ALAD: variants seen among roughly 807,000 people sequenced by gnomAD.
ALAD encodes the protein delta-aminolevulinic acid dehydratase.
ALAD carries 20 observed loss-of-function variants against 44.4 expected under a neutral mutation model. The observed-to-expected ratio is 0.45, with a 90% CI of 0.32 to 0.65. The LOEUF is 0.65. ALAD is among the 30% of genes least tolerant of loss of function. The pLI, the probability that ALAD is intolerant of heterozygous loss-of-function variation, is 0.05. For synonymous variants in ALAD, 156 were observed against 167.9 expected, an observed-to-expected ratio of 0.93 and a Z score of 0.55; for missense variants, 323 against 445.7, an observed-to-expected ratio of 0.72 and a Z score of 2.48.
intron 7 of ALAD, 85 bp from the exon 8 acceptor site, chr9:113,389,913 G>A (rs2118986027): frequency 6.5e-7 from 1 of 1,529,892 alleles, no homozygotes; most frequent in Admixed American, 1.7e-5. Context: ...AAGAACCTAG[G>A]CTGGGAAGGA....
intron 1 of ALAD, chr9:113,397,982 C>A (rs981191773): frequency 6.6e-6 from 1 of 152,148 alleles, no homozygotes; most frequent in African/African-American, 2.4e-5. Flanking sequence ...TTGCCCAAGA[C>A]CACATAGCTA....
intron 1 of ALAD, among the ~76,000 whole-genome samples, chr9:113,394,545 T>A (rs904916501): frequency 6.6e-6 from 1 of 150,566 alleles, no homozygotes; most frequent in African/African-American, 2.4e-5. Flanking sequence ...TAAAAAAAAA[T>A]AATAATTTTA....
At chr9:113,398,227 G>T in intron 1 of ALAD, 1 of 152,330 alleles carries the variant, frequency 6.6e-6, no homozygotes, top group East Asian at 1.9e-4. Flanking sequence ...TTCATTGCAA[G>T]AATTGTCCTA....
In ALAD at chr9:113,396,876, G is replaced by T. The variant is rs181359930; in HGVS notation, c.-75-3242C>A. ...GGGGAGCTGGGCTTGGAGAGGAGGT[G>T]GAGAGCTCTGTTTTAGACACTTCCT... On this transcript the variant is annotated intron_variant, in intron 1 of 11. Coordinates refer to ENST00000409155, the MANE Select transcript of ALAD (RefSeq NM_000031.6). 5.7e-3 allele frequency: 874 copies of T among 153,190 alleles called. 5 individuals are homozygous for T. Among genetic ancestry groups the T allele is most frequent in the Middle Eastern group, 9.7e-3 (3 of 310 alleles). The allele number at this position is 153,190 out of a possible 1,614,324, so 9.5% of individuals were successfully genotyped here.
Position 113,393,389 on chromosome 9 carries a change from T to TCCCCAA in ALAD, c.113+52_113+57dup, listed in dbSNP as rs8177793. The TCCCCAA allele has an allele frequency of 0.097, 120,253 of 1,235,972 alleles. 11,175 individuals are homozygous for TCCCCAA. Among genetic ancestry groups the TCCCCAA allele is most frequent in the Admixed American group, 0.34 (18,920 of 55,408 alleles). The allele number at this position is 1,235,972 out of a possible 1,614,324, so 76.6% of individuals were successfully genotyped here. A position where few individuals can be genotyped will look rare whatever the true frequency, so the allele number is the denominator to read the frequency against. On this transcript the variant is annotated intron_variant, in intron 2 of 11. Coordinates refer to ENST00000409155, the MANE Select transcript of ALAD (RefSeq NM_000031.6). ...GATGCCCGCTCCAGTCAACACTCCC[T>TCCCCAA]CCCCAACCCCAACCCCAACCAGCAG...
intron 1 of ALAD, among the ~76,000 whole-genome samples, chr9:113,400,894 G>A (rs1456901165): frequency 1.3e-5 from 2 of 152,172 alleles, no homozygotes; most frequent in South Asian, 2.1e-4. Context: ...GGCTGTTATT[G>A]TTTTCACCTC....
rs576888377 is a variant in ALAD, at chr9:113,401,040, G to A, written c.-76+172C>T. ...CGGGCCCCCAACCTCGGCTGCAGCG[G>A]GATAATCCAGCCCAAACAAACGCTC... On this transcript the variant is annotated intron_variant, in intron 1 of 11. Transcript: ENST00000409155. Among the ~76,000 whole-genome samples, 6 of 152,204 alleles carry A rather than the reference G, an allele frequency of 3.9e-5. No individual in the cohort carries two copies. In the East Asian group the frequency reaches 1.2e-3, roughly 30 times the overall value.
chr9:113,393,411 G>T, intron 2 of ALAD, 36 bp downstream of exon 2: 1 of 1,217,226 alleles, frequency 8.2e-7, no homozygotes, highest in Non-Finnish European at 1.2e-6. Context: ...ACCCCAACCA[G>T]CAGAGCAGAG....
intron 2 of ALAD, 131 bp downstream of exon 2, chr9:113,393,316 G>T (rs1827643845): frequency 1.5e-5 from 12 of 801,480 alleles, no homozygotes; most frequent in Non-Finnish European, 2.4e-5. Context: ...TGCTTCCAGT[G>T]CCTTGAATTT....
chr9:113,393,389 T>A lies in ALAD; in HGVS notation c.113+58A>T. ...GATGCCCGCTCCAGTCAACACTCCC[T>A]CCCCAACCCCAACCCCAACCAGCAG... On this transcript the variant is annotated intron_variant, in intron 2 of 11. Transcript: ENST00000409155. 1.5e-4 allele frequency: 190 copies of A among 1,271,372 alleles called. No homozygotes were observed. The highest frequency in any genetic ancestry group is 2.0e-4 in the Non-Finnish European group (174 of 869,050). The allele number at this position is 1,271,372 out of a possible 1,614,324, so 78.8% of individuals were successfully genotyped here.
chr9:113,390,709 C>A, intron 5 of ALAD, 33 bp from the exon 6 acceptor site: 1 of 1,608,126 alleles, frequency 6.2e-7, no homozygotes, highest in Middle Eastern at 1.7e-4. Context: ...TTGGGGAGCA[C>A]CTTGGGCCCT....
chr9:113,390,762 G>C lies in ALAD; in HGVS notation c.397+36C>G, dbSNP rs1293703527. ...TTGAGAAGTGGGCAGTAGGAGTGTG[G>C]GTGGCAGCAGGGCTGGTGGGAGGGA... On this transcript the variant is annotated intron_variant, in intron 5 of 11. Transcript: ENST00000409155. 2.5e-6 allele frequency: 4 copies of C among 1,599,296 alleles called. No individual in the cohort carries two copies. The East Asian group carries it at 6.8e-5, about 27-fold the overall frequency.
intron 1 of ALAD, chr9:113,396,297 A>T (rs1317361993): frequency 6.6e-6 from 1 of 151,928 alleles, no homozygotes; most frequent in African/African-American, 2.4e-5. Flanking sequence ...CTGAGGCAGA[A>T]GAATCGATTG....
intron 3 of ALAD, among the ~76,000 whole-genome samples, 176 bp downstream of exon 3, chr9:113,391,943 G>C (rs1373194282): frequency 6.6e-6 from 1 of 152,144 alleles, no homozygotes; most frequent in Non-Finnish European, 1.5e-5. Context: ...TACTTTATGG[G>C]GCTGCCCCTT....
intron 1 of ALAD, among the ~76,000 whole-genome samples, chr9:113,395,141 G>A (rs925077882): frequency 6.6e-6 from 1 of 152,102 alleles, no homozygotes; most frequent in Non-Finnish European, 1.5e-5. Flanking sequence ...GGAGAAAATA[G>A]TACCATTCAT....
At position 113,393,565 on chromosome 9, in the gene ALAD, G is replaced by A. The variant is rs1827654072; in HGVS notation, c.-6C>T. ...AGAACGGACTGGGGCTGCATGGCGT[G>A]GGCCAGTGGGCACAGGGGCATCAGT... On this transcript the variant is annotated 5_prime_UTR_variant, in exon 2 of 12. Coordinates refer to ENST00000409155, the MANE Select transcript of ALAD (RefSeq NM_000031.6). The A allele has an allele frequency of 6.2e-7, 1 of 1,611,400 alleles. No homozygotes were observed. The highest frequency in any genetic ancestry group is 8.5e-7 in the Non-Finnish European group (1 of 1,178,634).
rs1340298448 is a variant in ALAD at position 113,390,600 on chromosome 9, G to C, written c.474C>G (p.Ala158=). The part of the protein sequence containing the change: ...QRLAEVALAY[A]KAGCQVVAPS... ...TGCTGGTGGTTCACTCACCTGCCTTGGCATACGCCAATGCCACCTCAGCCA... is the reference window on the plus strand; with the variant it reads ...TGCTGGTGGTTCACTCACCTGCCTTCGCATACGCCAATGCCACCTCAGCCA... Residue 158 remains alanine (A), a synonymous_variant, in exon 6 of 12, where the codon GCC becomes GCG. Transcript: ENST00000409155. 3.7e-6 allele frequency: 6 copies of C among 1,613,962 alleles called. No homozygotes were observed. Among genetic ancestry groups the C allele is most frequent in the Non-Finnish European group, 5.1e-6 (6 of 1,180,020 alleles).
At position 113,388,253 on chromosome 9, in the gene ALAD, C is replaced by T. The variant is rs372621957; in HGVS notation, c.*47G>A. The T allele has an allele frequency of 3.9e-5, 63 of 1,599,562 alleles. No homozygotes were observed. Among genetic ancestry groups the T allele is most frequent in the Middle Eastern group, 3.3e-4 (2 of 6,016 alleles). On this transcript the variant is annotated 3_prime_UTR_variant, in exon 12 of 12. Transcript: ENST00000409155. ...CTTTGGTTTTCACTTGTCTGAGGCC[C>T]CGGGAACGTTTTAAAGTTCTAGTTC...
intron 4 of ALAD, among the ~76,000 whole-genome samples, chr9:113,391,322 C>T (rs910127676): frequency 6.6e-6 from 1 of 152,264 alleles, no homozygotes; most frequent in South Asian, 2.1e-4. Context: ...CCCACCTCTC[C>T]ACCTCCCGAG....
Sources: gnomAD v4.1 joint callset for allele counts (sites outside exome capture counted in the v4.1 genomes callset) on GRCh38, gnomAD v4.1.1 for gene constraint, MANE v1.5 for transcripts, NCBI Gene and HGNC (gene_info 2026-07-23, HGNC 2026-07-21) for gene names.